Variants in ARK2C observed in about 807,000 individuals in gnomAD.
ARK2C encodes arkadia (RNF111) C-terminal like ring finger ubiquitin ligase 2C.
chr18:46,415,550 A>G, the ARK2C span, among the ~76,000 whole-genome samples: 1 of 151,876 alleles, frequency 6.6e-6, no homozygotes, highest in Admixed American at 6.6e-5. Flanking sequence ...AAATAAAAAA[A>G]TAAATAAAAA....
the ARK2C span, among the ~76,000 whole-genome samples, chr18:46,413,982 G>A: frequency 4.6e-5 from 7 of 152,130 alleles, 1 homozygote; most frequent in East Asian, 1.2e-3. Context: ...CAGCATGCTC[G>A]GGTTCCTCTC....
chr18:46,461,041 C>T, the ARK2C span: 1 of 152,312 alleles, frequency 6.6e-6, no homozygotes, highest in Non-Finnish European at 1.5e-5. Flanking sequence ...ACTGTCTCCA[C>T]CTGGCCTCCA....
chr18:46,424,990 C>T, the ARK2C span, among the ~76,000 whole-genome samples: 3 of 152,222 alleles, frequency 2.0e-5, no homozygotes, highest in Non-Finnish European at 4.4e-5. Flanking sequence ...GCCTCTCCAG[C>T]CCTGTGGCCG....
At chr18:46,337,437 G>A in the ARK2C span, 3 of 985,220 alleles carry the variant, frequency 3.0e-6, no homozygotes, top group Non-Finnish European at 3.6e-6. Context: ...ACAATGTACA[G>A]CGCTCGGTTA....
chr18:46,343,588 G>A, the ARK2C span, among the ~76,000 whole-genome samples: 5 of 152,216 alleles, frequency 3.3e-5, no homozygotes, highest in Non-Finnish European at 7.3e-5. Flanking sequence ...GTAACTACCC[G>A]TGTGAGGTCT....
the ARK2C span, among the ~76,000 whole-genome samples, chr18:46,354,045 C>G: frequency 2.0e-4 from 31 of 152,346 alleles, no homozygotes; most frequent in East Asian, 5.8e-3. Flanking sequence ...AGTCTCCACT[C>G]TCACTCTAAA....
the ARK2C span, among the ~76,000 whole-genome samples, chr18:46,415,723 T>C: frequency 6.6e-6 from 1 of 152,096 alleles, no homozygotes; most frequent in South Asian, 2.1e-4. Context: ...CCCTTGAGCC[T>C]CAGTTTCTTC....
At chr18:46,437,275 G>T in the ARK2C span, among the ~76,000 whole-genome samples, 3 of 151,782 alleles carry the variant, frequency 2.0e-5, no homozygotes, top group African/African-American at 7.2e-5. Flanking sequence ...CTCTGCTCCA[G>T]CGGGGGCCAG....
chr18:46,376,888 C>T, the ARK2C span, among the ~76,000 whole-genome samples: 6 of 152,148 alleles, frequency 3.9e-5, no homozygotes, highest in Admixed American at 6.5e-5. Flanking sequence ...CCAGGATGGT[C>T]TTGATTTCTG....
the ARK2C span, among the ~76,000 whole-genome samples, chr18:46,383,497 G>A: frequency 2.0e-5 from 3 of 150,946 alleles, no homozygotes; most frequent in Non-Finnish European, 4.4e-5. Context: ...CATAACCTTT[G>A]GTATTATATT....
chr18:46,455,836 AAAACAAAACAAAAC>A, the ARK2C span: 24 of 598,092 alleles, frequency 4.0e-5, no homozygotes, highest in African/African-American at 4.1e-4. Context: ...ATCAGTCTCA[AAAACAAAACAAAAC>A]AAACAAAAAA....
chr18:46,454,588 C>T, the ARK2C span, among the ~76,000 whole-genome samples: 2 of 152,140 alleles, frequency 1.3e-5, no homozygotes, highest in East Asian at 3.8e-4. Flanking sequence ...TACAGTATTC[C>T]CCAGACTAAA....
the ARK2C span, among the ~76,000 whole-genome samples, chr18:46,415,526 AAAAAAAATAAAAAAAAT>A: frequency 1.3e-5 from 2 of 151,252 alleles, no homozygotes. Context: ...GATCTGTCTC[AAAAAAAATAAAAAAAAT>A]AAAAAAATAA....
chr18:46,356,741 C>T, the ARK2C span, among the ~76,000 whole-genome samples: 1 of 152,344 alleles, frequency 6.6e-6, no homozygotes, highest in East Asian at 1.9e-4. Flanking sequence ...CAAAGCCCTT[C>T]TGATGGCGTT....
the ARK2C span, among the ~76,000 whole-genome samples, chr18:46,352,289 C>T: frequency 7.6e-6 from 1 of 132,162 alleles, no homozygotes; most frequent in Non-Finnish European, 1.7e-5. Context: ...TCTTTCCCCA[C>T]CTAGAATCTA....
chr18:46,337,540 T>C, the ARK2C span: 3 of 985,400 alleles, frequency 3.0e-6, no homozygotes, highest in Non-Finnish European at 3.6e-6. Flanking sequence ...TTCCGAAGCA[T>C]GGTGGGCCCA....
chr18:46,408,345 C>A, the ARK2C span, among the ~76,000 whole-genome samples: 1 of 152,262 alleles, frequency 6.6e-6, no homozygotes, highest in Non-Finnish European at 1.5e-5. Flanking sequence ...TTGGTCCCAC[C>A]TCCCTTCTAC....
At chr18:46,406,003 C>T in the ARK2C span, among the ~76,000 whole-genome samples, 1 of 152,092 alleles carries the variant, frequency 6.6e-6, no homozygotes, top group Non-Finnish European at 1.5e-5. Context: ...CCCTCAGACA[C>T]TCGCATACAT....
chr18:46,372,680 G>A, the ARK2C span, among the ~76,000 whole-genome samples: 1 of 152,236 alleles, frequency 6.6e-6, no homozygotes, highest in African/African-American at 2.4e-5. Context: ...AGACGCAGGA[G>A]GAGGGAGCTG....
Sources: allele counts gnomAD v4.1 joint callset (sites outside exome capture counted in the v4.1 genomes callset), GRCh38; gene constraint gnomAD v4.1.1; transcripts MANE v1.5; gene names NCBI Gene and HGNC (gene_info 2026-07-23, HGNC 2026-07-21).